The following TATDN1 variants were observed in gnomAD, a reference collection of about 807,000 sequenced individuals.
The protein encoded by TATDN1 is TatD DNase domain containing 1.
Under a neutral mutation model 46.4 loss-of-function variants are expected in TATDN1, and 40 were observed. The ratio of observed to expected loss-of-function variants is 0.86; its 90% CI spans 0.67 to 1.12. The LOEUF (loss-of-function observed/expected upper bound fraction) is 1.12, where lower values mean the gene tolerates loss of function less well. Ranked by LOEUF, TATDN1 falls within the 50% of genes most tolerant of loss-of-function variation. TATDN1 has a pLI of 0.00. For synonymous variants in TATDN1, 95 were observed against 105.6 expected, an observed-to-expected ratio of 0.90 and a Z score of 0.62; for missense variants, 326 against 348.4, an observed-to-expected ratio of 0.94 and a Z score of 0.51.
At chr8:124,496,279 A>T (rs1817459727) in intron 9 of TATDN1, among the ~76,000 whole-genome samples, 1 of 152,102 alleles carries the variant, frequency 6.6e-6, no homozygotes. Flanking sequence ...ATATGCTCCC[A>T]CTCTCAAAAT....
chr8:124,531,420 G>A (rs376786552), intron 1 of TATDN1, among the ~76,000 whole-genome samples: 1 of 152,122 alleles, frequency 6.6e-6, no homozygotes, highest in Non-Finnish European at 1.5e-5. Context: ...CAGAGGACTG[G>A]GGGTAATAGG....
At chr8:124,521,002 T>C (rs1373522357) in intron 3 of TATDN1, among the ~76,000 whole-genome samples, 5 of 149,386 alleles carry the variant, frequency 3.3e-5, no homozygotes. Flanking sequence ...GTGGCTTCCA[T>C]CATACACATA....
At chr8:124,509,055 C>T (rs1467123377) in intron 6 of TATDN1, among the ~76,000 whole-genome samples, 4 of 152,128 alleles carry the variant, frequency 2.6e-5, no homozygotes, top group Admixed American at 2.6e-4. Flanking sequence ...TTTTTATGTG[C>T]TGTTATAAAA....
chr8:124,502,605 G>GAATAC (rs1338098117), intron 9 of TATDN1, among the ~76,000 whole-genome samples: 1 of 152,150 alleles, frequency 6.6e-6, no homozygotes, highest in African/African-American at 2.4e-5. Context: ...AACACGCAAG[G>GAATAC]AATACATGGG....
chr8:124,536,564 C>CT (rs1821444299), intron 1 of TATDN1, among the ~76,000 whole-genome samples: 2 of 152,098 alleles, frequency 1.3e-5, no homozygotes, highest in African/African-American at 2.4e-5. Context: ...AAAACCCCCA[C>CT]TGTTGGGGTA....
At position 124,493,974 on chromosome 8, in the gene TATDN1, A is replaced by G. The variant is rs761715482; in HGVS notation, c.665-15T>C. On this transcript the variant is annotated splice_polypyrimidine_tract_variant and intron_variant, in intron 10 of 11. Transcript: ENST00000276692. ...CCAAGGTGCATCTAGTTAAGCAAAG[A>G]AAGTGTCTCGTAAGGGGTTTACATT... 10 of 1,598,356 alleles carry G rather than the reference A, an allele frequency of 6.3e-6. No homozygotes were observed. The highest frequency in any genetic ancestry group is 6.8e-6 in the Non-Finnish European group (8 of 1,175,296).
At chr8:124,505,795 C>T (rs549803365) in intron 8 of TATDN1, among the ~76,000 whole-genome samples, 140 of 152,016 alleles carry the variant, frequency 9.2e-4, no homozygotes, top group African/African-American at 3.1e-3. Context: ...TATTTCTCAA[C>T]AATAAAGAAG....
chr8:124,522,997 C>G lies in TATDN1; in HGVS notation c.28G>C (p.Gly10Arg), dbSNP rs368171669. The change falls in exon 2 of 12, where the codon GGT becomes CGT. Residue 10 changes from glycine (G) to arginine (R), a missense_variant. Physicochemically the swap from Gly to Arg is moderately radical, Grantham distance 125. Transcript: ENST00000276692. MSRFKFIDI[G>R]INLTDPMFRG... ...AACATAGGGTCAGTCAAGTTGATACCAATATCTGTAGAAAGCAAAAGTCAC... is the reference window on the plus strand; with the variant it reads ...AACATAGGGTCAGTCAAGTTGATACGAATATCTGTAGAAAGCAAAAGTCAC... The G allele has an allele frequency of 2.5e-6, 4 of 1,612,134 alleles. No homozygotes were observed. The highest frequency in any genetic ancestry group is 3.4e-6 in the Non-Finnish European group (4 of 1,178,932).
At chr8:124,508,251 T>C (rs1818684239) in intron 8 of TATDN1, among the ~76,000 whole-genome samples, 1 of 152,232 alleles carries the variant, frequency 6.6e-6, no homozygotes, top group Non-Finnish European at 1.5e-5. Flanking sequence ...TTCATTTATG[T>C]TTCACATACA....
intron 1 of TATDN1, among the ~76,000 whole-genome samples, chr8:124,532,327 G>A (rs960501990): frequency 2.0e-5 from 3 of 152,026 alleles, no homozygotes; most frequent in African/African-American, 2.4e-5. Context: ...TCTGTCGCCC[G>A]GGCTGGAGTG....
At chr8:124,510,383 T>G (rs1818904569) in intron 6 of TATDN1, among the ~76,000 whole-genome samples, 1 of 152,230 alleles carries the variant, frequency 6.6e-6, no homozygotes, top group African/African-American at 2.4e-5. Context: ...CTTCATTGTG[T>G]GCACTGCTCC....
At chr8:124,524,544 G>A (rs1196541050) in intron 1 of TATDN1, among the ~76,000 whole-genome samples, 2 of 152,152 alleles carry the variant, frequency 1.3e-5, no homozygotes, top group South Asian at 2.1e-4. Flanking sequence ...TAGGGTCACC[G>A]ATCATCACTG....
chr8:124,523,520 G>A (rs1820232334), intron 1 of TATDN1: 1 of 152,198 alleles, frequency 6.6e-6, no homozygotes, highest in Non-Finnish European at 1.5e-5. Context: ...TGTATCTCTG[G>A]GATCTGGATC....
At chr8:124,496,426 C>T (rs776918497) in intron 9 of TATDN1, among the ~76,000 whole-genome samples, 3 of 152,198 alleles carry the variant, frequency 2.0e-5, no homozygotes, top group South Asian at 2.1e-4. Context: ...TGCAATGACA[C>T]GTATCTACCA....
At chr8:124,531,786 A>C (rs1820981660) in intron 1 of TATDN1, among the ~76,000 whole-genome samples, 1 of 152,194 alleles carries the variant, frequency 6.6e-6, no homozygotes. Flanking sequence ...TGCAAAGTTT[A>C]CATAGCGGTG....
intron 11 of TATDN1, chr8:124,491,340 T>C (rs1229764293): frequency 6.6e-6 from 1 of 152,330 alleles, no homozygotes; most frequent in Non-Finnish European, 1.5e-5. Context: ...CTTGTTCCTC[T>C]GGATTAGCCA....
At chr8:124,497,446 C>T (rs140950378) in intron 9 of TATDN1, among the ~76,000 whole-genome samples, 1,668 of 152,054 alleles carry the variant, frequency 0.011, 14 homozygotes, top group Non-Finnish European at 0.018. Flanking sequence ...CCACCACGCC[C>T]GGCTCATTTT....
chr8:124,516,045 T>C lies in TATDN1; in HGVS notation c.203-15A>G. 6.4e-7 allele frequency: 1 copy of C among 1,572,930 alleles called. No individual in the cohort carries two copies. The highest frequency in any genetic ancestry group is 1.8e-4 in the Middle Eastern group (1 of 5,552). On this transcript the variant is annotated splice_polypyrimidine_tract_variant and intron_variant, in intron 4 of 11. Transcript: ENST00000276692. Reference sequence around the variant, plus strand: ...GAAAAACATACCTAACAGAAAATAATGTCTTAGGATTATTTTCAAAGTATT... The same window carrying C: ...GAAAAACATACCTAACAGAAAATAACGTCTTAGGATTATTTTCAAAGTATT...
chr8:124,532,978 T>C (rs976487323), intron 1 of TATDN1, among the ~76,000 whole-genome samples: 8 of 152,160 alleles, frequency 5.3e-5, no homozygotes, highest in South Asian at 2.1e-4. Context: ...CGGGGCCAGG[T>C]GTAGTGGCTC....
Sources: allele counts gnomAD v4.1 joint callset (sites outside exome capture counted in the v4.1 genomes callset), GRCh38; gene constraint gnomAD v4.1.1; transcripts MANE v1.5; gene names NCBI Gene and HGNC (gene_info 2026-07-23, HGNC 2026-07-21).